Variants in GRM8 observed in about 807,000 individuals in gnomAD.
The protein encoded by GRM8 is glutamate metabotropic receptor 8.
A neutral mutation model predicts 87.2 loss-of-function variants in GRM8; 47 were observed. That is an observed-to-expected ratio of 0.54 (90% CI 0.43 to 0.69). GRM8 has a LOEUF of 0.69. GRM8 is among the 30% of genes least tolerant of loss of function. GRM8 has a pLI of 0.00. For missense variants in GRM8, 1,019 were observed against 1,139.2 expected, an observed-to-expected ratio of 0.89 and a Z score of 1.52; for synonymous variants, 396 against 404.5, an observed-to-expected ratio of 0.98 and a Z score of 0.25.
rs1411125966 is a variant in GRM8 at position 127,105,189 on chromosome 7, T to C, written c.727+1307A>G. 5 of 152,204 alleles carry C rather than the reference T, an allele frequency of 3.3e-5. No individual in the cohort carries two copies. The East Asian group carries it at 7.7e-4, about 23-fold the overall frequency. The allele number at this position is 152,204 out of a possible 1,614,324, so 9.4% of individuals were successfully genotyped here. A position where few individuals can be genotyped will look rare whatever the true frequency, so the allele number is the denominator to read the frequency against. ...TTTAGATTTTTACCCAAGAAGATAA[T>C]ATAATTTGTCATAATTTAAAGACCA... On this transcript the variant is annotated intron_variant, in intron 3 of 10. Transcript: ENST00000339582.
chr7:126,559,144 C>A (rs544704272), intron 8 of GRM8, among the ~76,000 whole-genome samples: 127 of 133,550 alleles, frequency 9.5e-4, no homozygotes, highest in African/African-American at 3.5e-3. Flanking sequence ...TACTGGTAAT[C>A]TTTTGCTTTT....
intron 7 of GRM8, among the ~76,000 whole-genome samples, chr7:126,645,593 G>A (rs375433165): frequency 7.9e-5 from 12 of 152,156 alleles, no homozygotes; most frequent in African/African-American, 2.4e-4. Context: ...ACTCTATACT[G>A]CAATAGCACC....
At chr7:127,189,125 T>A (rs562722197) in intron 2 of GRM8, among the ~76,000 whole-genome samples, 1 of 152,208 alleles carries the variant, frequency 6.6e-6, no homozygotes, top group African/African-American at 2.4e-5. Context: ...CCCTACCACC[T>A]AATACAAGTA....
chr7:127,081,922 G>A (rs1703741496), intron 3 of GRM8, among the ~76,000 whole-genome samples: 1 of 152,140 alleles, frequency 6.6e-6, no homozygotes, highest in South Asian at 2.1e-4. Flanking sequence ...ATGCAAAGGG[G>A]TCAAGAAGGA....
At chr7:127,241,086 A>T (rs1798264736) in intron 2 of GRM8, among the ~76,000 whole-genome samples, 1 of 152,234 alleles carries the variant, frequency 6.6e-6, no homozygotes, top group South Asian at 2.1e-4. Context: ...CCTTAGACGC[A>T]GAGAGCTTCT....
intron 6 of GRM8, among the ~76,000 whole-genome samples, chr7:126,782,096 AT>A (rs1820138023): frequency 6.6e-6 from 1 of 152,234 alleles, no homozygotes; most frequent in Non-Finnish European, 1.5e-5. Flanking sequence ...TATTTCCAAA[AT>A]AAAGAAAACA....
At chr7:127,040,736 G>C (rs1047480488) in intron 3 of GRM8, among the ~76,000 whole-genome samples, 8 of 152,296 alleles carry the variant, frequency 5.3e-5, no homozygotes, top group African/African-American at 1.9e-4. Flanking sequence ...CTGGTGTTGG[G>C]AGTTTGGTCC....
intron 7 of GRM8, among the ~76,000 whole-genome samples, chr7:126,758,135 C>T (rs1342679742): frequency 6.6e-6 from 1 of 152,004 alleles, no homozygotes; most frequent in Non-Finnish European, 1.5e-5. Context: ...TGTGGATGGG[C>T]ATGTATTTGG....
intron 8 of GRM8, among the ~76,000 whole-genome samples, chr7:126,590,832 T>C (rs1796601678): frequency 1.3e-5 from 2 of 152,108 alleles, no homozygotes; most frequent in African/African-American, 4.8e-5. Flanking sequence ...TGAGAGAATA[T>C]ACCACTACCA....
At chr7:127,010,078 A>G (rs1814730084) in intron 3 of GRM8, among the ~76,000 whole-genome samples, 1 of 152,068 alleles carries the variant, frequency 6.6e-6, no homozygotes, top group African/African-American at 2.4e-5. Context: ...CCTGACCTGA[A>G]GTGATCCGAC....
At chr7:127,116,220 GTTTT>G (rs963622536) in intron 2 of GRM8, among the ~76,000 whole-genome samples, 1 of 152,136 alleles carries the variant, frequency 6.6e-6, no homozygotes, top group African/African-American at 2.4e-5. Context: ...AAATTGAACA[GTTTT>G]ATTTAAATTT....
At chr7:127,133,064 C>T (rs1827771685) in intron 2 of GRM8, among the ~76,000 whole-genome samples, 1 of 152,210 alleles carries the variant, frequency 6.6e-6, no homozygotes, top group African/African-American at 2.4e-5. Context: ...AGTTCAAAGC[C>T]AGTAGTGCAA....
chr7:126,788,319 A>C (rs997083614), intron 6 of GRM8, among the ~76,000 whole-genome samples: 2 of 144,918 alleles, frequency 1.4e-5, no homozygotes, highest in Non-Finnish European at 3.0e-5. Context: ...CTGAGACAGG[A>C]GAATTGCTTG....
At chr7:126,910,577 G>A (rs1803180256) in intron 3 of GRM8, among the ~76,000 whole-genome samples, 2 of 152,140 alleles carry the variant, frequency 1.3e-5, no homozygotes, top group African/African-American at 4.8e-5. Flanking sequence ...AAATATTTGG[G>A]CCATGACAAT....
intron 7 of GRM8, among the ~76,000 whole-genome samples, chr7:126,749,374 A>G (rs1816119572): frequency 1.3e-5 from 2 of 152,002 alleles, no homozygotes. Flanking sequence ...AACAATGAAA[A>G]AAAAATTCAT....
intron 7 of GRM8, among the ~76,000 whole-genome samples, chr7:126,656,794 G>C (rs554570662): frequency 1.4e-4 from 22 of 152,332 alleles, no homozygotes; most frequent in African/African-American, 5.1e-4. Flanking sequence ...TGTTCACAGA[G>C]TAGCTGTGTT....
chr7:126,462,802 C>A (rs759137309), intron 9 of GRM8, among the ~76,000 whole-genome samples: 4 of 151,522 alleles, frequency 2.6e-5, no homozygotes, highest in Non-Finnish European at 4.4e-5. Context: ...AAAAAATGGT[C>A]CTATACTTTC....
At chr7:126,964,997 T>C (rs1268501803) in intron 3 of GRM8, among the ~76,000 whole-genome samples, 2 of 152,252 alleles carry the variant, frequency 1.3e-5, no homozygotes. Flanking sequence ...GATGAGTTCA[T>C]GTCTTTTGCA....
chr7:126,647,338 GATAGAT>G (rs1433321897), intron 7 of GRM8, among the ~76,000 whole-genome samples: 45 of 53,402 alleles, frequency 8.4e-4, no homozygotes, highest in African/African-American at 2.3e-3. Context: ...TAGATAGATA[GATAGAT>G]ATAGATATAG....
Sources: gnomAD v4.1 joint callset for allele counts (sites outside exome capture counted in the v4.1 genomes callset) on GRCh38, gnomAD v4.1.1 for gene constraint, MANE v1.5 for transcripts, NCBI Gene and HGNC (gene_info 2026-07-23, HGNC 2026-07-21) for gene names.